The following GRID2 variants were observed in gnomAD, a reference collection of about 807,000 sequenced individuals.
GRID2 encodes glutamate ionotropic receptor delta type subunit 2, also known as glutamate receptor ionotropic, delta-2.
In GRID2, 33 loss-of-function variants were observed where a neutral mutation model predicts 114.8. The observed-to-expected ratio is 0.29, with a 90% CI of 0.22 to 0.38. The LOEUF (loss-of-function observed/expected upper bound fraction) is 0.38, where lower values mean the gene tolerates loss of function less well. Ranked by LOEUF, GRID2 falls within the 10% of genes least tolerant of loss-of-function variation. The pLI is 1.00. For synonymous variants in GRID2, 505 were observed against 449.9 expected (o/e 1.12, Z -1.55); for missense variants, 1,184 against 1,257.7 (o/e 0.94, Z 0.89).
At chr4:93,293,605 A>G (rs887782246) in intron 8 of GRID2, among the ~76,000 whole-genome samples, 40 of 129,690 alleles carry the variant, frequency 3.1e-4, no homozygotes, top group Admixed American at 2.7e-3. Flanking sequence ...CACATTATTG[A>G]AAAAAAAAAA....
intron 2 of GRID2, among the ~76,000 whole-genome samples, chr4:92,967,752 T>C (rs1015321787): frequency 6.6e-5 from 10 of 151,944 alleles, no homozygotes; most frequent in African/African-American, 2.2e-4. Context: ...GAAAATATAT[T>C]GTAGAATGTG....
At position 92,304,819 on chromosome 4, in the gene GRID2, C is replaced by A. The variant is rs1560557012; in HGVS notation, c.88+75C>A. 4 of 1,026,672 alleles carry A rather than the reference C, an allele frequency of 3.9e-6. No homozygotes were observed. In the South Asian group the frequency reaches 5.1e-5, roughly 13 times the overall value. The allele number at this position is 1,026,672 out of a possible 1,614,324, so 63.6% of individuals were successfully genotyped here. On this transcript the variant is annotated intron_variant, in intron 1 of 15. Transcript: ENST00000282020. ...CAAATGTTTCCCCTTCGCTTTCCCC[C>A]TCTCCGGTCTCTGTGTGTCTTGTTG... is the stretch of plus-strand genomic sequence containing the variant.
chr4:92,575,011 G>T (rs1727816109), intron 1 of GRID2, among the ~76,000 whole-genome samples: 1 of 152,116 alleles, frequency 6.6e-6, no homozygotes, highest in South Asian at 2.1e-4. Flanking sequence ...TGAAGGTTTT[G>T]TTCATTCCTT....
intron 13 of GRID2, among the ~76,000 whole-genome samples, chr4:93,613,034 C>G (rs1403904945): frequency 7.8e-6 from 1 of 127,984 alleles, no homozygotes; most frequent in Non-Finnish European, 1.7e-5. Flanking sequence ...TTTCTCTAAA[C>G]TTCCCTTCTC....
chr4:92,897,824 G>A (rs921176953), intron 2 of GRID2, among the ~76,000 whole-genome samples: 1 of 152,026 alleles, frequency 6.6e-6, no homozygotes, highest in African/African-American at 2.4e-5. Context: ...TGGAAAACTG[G>A]GAAAAAGGCC....
At chr4:92,777,457 TAAG>T (rs938995413) in intron 2 of GRID2, among the ~76,000 whole-genome samples, 4 of 152,014 alleles carry the variant, frequency 2.6e-5, no homozygotes, top group African/African-American at 9.7e-5. Context: ...CTAAGGGAAA[TAAG>T]AAATCCTTAG....
intron 2 of GRID2, among the ~76,000 whole-genome samples, chr4:92,653,343 GTGTGTT>G (rs904389132): frequency 2.3e-4 from 34 of 150,516 alleles, no homozygotes; most frequent in Middle Eastern, 3.4e-3. Context: ...GTGTGTGTGT[GTGTGTT>G]TGTGTGTTTG....
intron 3 of GRID2, among the ~76,000 whole-genome samples, chr4:93,093,838 A>T (rs993818270): frequency 1.3e-5 from 2 of 151,978 alleles, no homozygotes; most frequent in African/African-American, 4.8e-5. Context: ...TGCCAGGGAA[A>T]AGGGGAAAGG....
At chr4:92,394,738 G>A (rs1242185703) in intron 1 of GRID2, among the ~76,000 whole-genome samples, 2 of 151,768 alleles carry the variant, frequency 1.3e-5, no homozygotes, top group East Asian at 3.9e-4. Context: ...TGTGCTGTCA[G>A]TAAACATTTA....
At chr4:92,462,618 A>G (rs376946520) in intron 1 of GRID2, among the ~76,000 whole-genome samples, 1 of 151,988 alleles carries the variant, frequency 6.6e-6, no homozygotes, top group African/African-American at 2.4e-5. Context: ...ATTTATGGAG[A>G]TGATTTCCTA....
intron 11 of GRID2, among the ~76,000 whole-genome samples, chr4:93,475,644 A>G (rs1725251763): frequency 6.6e-6 from 1 of 152,094 alleles, no homozygotes; most frequent in Non-Finnish European, 1.5e-5. Flanking sequence ...TTAGTAACCA[A>G]CCTCAGAAAT....
intron 1 of GRID2, among the ~76,000 whole-genome samples, chr4:92,569,763 C>T (rs1727520016): frequency 6.6e-6 from 1 of 151,886 alleles, no homozygotes; most frequent in Non-Finnish European, 1.5e-5. Flanking sequence ...ACATGTATGC[C>T]TTCTTTTGAG....
intron 2 of GRID2, among the ~76,000 whole-genome samples, chr4:92,876,556 C>T (rs917220404): frequency 2.6e-5 from 4 of 152,108 alleles, no homozygotes; most frequent in African/African-American, 4.8e-5. Flanking sequence ...ACGCCCACCT[C>T]GGCCTCCCAA....
At chr4:92,941,660 T>C (rs1438799704) in intron 2 of GRID2, among the ~76,000 whole-genome samples, 1 of 152,194 alleles carries the variant, frequency 6.6e-6, no homozygotes, top group Non-Finnish European at 1.5e-5. Context: ...ATTGTGATGT[T>C]GGGGTGTCAA....
chr4:92,806,590 A>T (rs906026012), intron 2 of GRID2, among the ~76,000 whole-genome samples: 1 of 151,870 alleles, frequency 6.6e-6, no homozygotes, highest in Non-Finnish European at 1.5e-5. Context: ...TAAGTATGAT[A>T]ATTAGGACCT....
At chr4:92,455,591 TAG>T (rs1721173541) in intron 1 of GRID2, among the ~76,000 whole-genome samples, 1 of 152,040 alleles carries the variant, frequency 6.6e-6, no homozygotes, top group South Asian at 2.1e-4. Context: ...TGAGCAGGAA[TAG>T]AAACATGGAA....
chr4:93,592,801 C>G (rs147921627), intron 13 of GRID2, among the ~76,000 whole-genome samples: 3,617 of 152,264 alleles, frequency 0.024, 61 homozygotes, highest in East Asian at 0.063. Flanking sequence ...GATGCCTTTA[C>G]CATTATGTAA....
chr4:93,473,773 C>T (rs913564830), intron 11 of GRID2, among the ~76,000 whole-genome samples: 1 of 151,976 alleles, frequency 6.6e-6, no homozygotes, highest in African/African-American at 2.4e-5. Flanking sequence ...TAAAAACTAC[C>T]CGAGATGTCT....
intron 2 of GRID2, among the ~76,000 whole-genome samples, chr4:92,900,258 C>A (rs889140421): frequency 1.3e-5 from 2 of 152,114 alleles, no homozygotes; most frequent in Non-Finnish European, 2.9e-5. Flanking sequence ...AATCATTTAA[C>A]GTTTTATCTA....
Sources: allele counts gnomAD v4.1 joint callset (sites outside exome capture counted in the v4.1 genomes callset), GRCh38; gene constraint gnomAD v4.1.1; transcripts MANE v1.5; gene names NCBI Gene and HGNC (gene_info 2026-07-23, HGNC 2026-07-21).